Variants in CWH43 observed in about 807,000 individuals in gnomAD.
CWH43 encodes PGAP2-interacting protein.
CWH43 carries 91 observed loss-of-function variants against 85.7 expected under a neutral mutation model. The ratio of observed to expected loss-of-function variants is 1.06; its 90% CI spans 0.90 to 1.26. The LOEUF (loss-of-function observed/expected upper bound fraction) is 1.26, where lower values mean the gene tolerates loss of function less well. Ranked by LOEUF, CWH43 falls within the 50% of genes most tolerant of loss-of-function variation. CWH43 has a pLI of 0.00. For missense variants in CWH43, 869 were observed against 839.2 expected (o/e 1.04, Z -0.44); for synonymous variants, 323 against 293.6 (o/e 1.10, Z -1.02).
chr4:49,032,638 C>A lies in CWH43; in HGVS notation c.1581C>A (p.Ile527=), dbSNP rs369991316. Residue 527 remains isoleucine (I), a synonymous_variant, in exon 12 of 16, where the codon ATC becomes ATA. Transcript: ENST00000226432. ...TTCTTCCGTCACCAGAGGGCGAGAT[C>A]GCACCAGCCATCACATTGACCGTTA... The part of the protein sequence containing the change: ...HHLLPSPEGE[I]APAITLTVNI... The A allele has an allele frequency of 6.2e-7, 1 of 1,614,012 alleles. No homozygotes were observed. The highest frequency in any genetic ancestry group is 1.1e-5 in the South Asian group (1 of 91,078).
chr4:48,994,908 T>A, intron 5 of CWH43, 88 bp downstream of exon 5: 1 of 1,044,486 alleles, frequency 9.6e-7, no homozygotes, highest in Non-Finnish European at 1.5e-6. Flanking sequence ...AGGTCTGTGC[T>A]AGCCAGATAT....
intron 1 of CWH43, among the ~76,000 whole-genome samples, chr4:48,988,165 C>T (rs375043967): frequency 1.3e-4 from 20 of 152,222 alleles, no homozygotes; most frequent in Non-Finnish European, 2.4e-4. Context: ...AATTTCACTT[C>T]TGGGTATATA....
intron 7 of CWH43, among the ~76,000 whole-genome samples, chr4:49,005,268 A>G (rs1234300802): frequency 1.3e-5 from 2 of 152,168 alleles, no homozygotes; most frequent in Non-Finnish European, 2.9e-5. Flanking sequence ...TAGGTTGCAT[A>G]GTGGTTAAGT....
intron 14 of CWH43, among the ~76,000 whole-genome samples, chr4:49,046,708 A>G (rs1257150780): frequency 6.6e-6 from 1 of 151,978 alleles, no homozygotes; most frequent in Non-Finnish European, 1.5e-5. Flanking sequence ...TGAGAGGAGG[A>G]TGCTGGATGT....
Position 49,061,915 on chromosome 4 carries a change from G to A in CWH43, c.*25G>A. Reference sequence around the variant, plus strand: ...AAACATTTAAAACAAGAAGTTATTGGCTGGGAAAATCTAAGAAAAAAAGTA... The same window carrying A: ...AAACATTTAAAACAAGAAGTTATTGACTGGGAAAATCTAAGAAAAAAAGTA... On this transcript the variant is annotated 3_prime_UTR_variant, in exon 16 of 16. Coordinates refer to ENST00000226432, the MANE Select transcript of CWH43 (RefSeq NM_025087.3). 2 of 1,316,316 alleles carry A rather than the reference G, an allele frequency of 1.5e-6. No individual in the cohort carries two copies. The highest frequency in any genetic ancestry group is 1.6e-5 in the South Asian group (1 of 60,666). The allele number at this position is 1,316,316 out of a possible 1,614,324, so 81.5% of individuals were successfully genotyped here.
In CWH43 at chr4:49,005,100, A is replaced by C. The variant is rs192466203; in HGVS notation, c.1060+1108A>C. Among the ~76,000 whole-genome samples, 5 of 152,348 alleles carry C rather than the reference A, an allele frequency of 3.3e-5. No homozygotes were observed. In the East Asian group the frequency reaches 9.6e-4, roughly 29 times the overall value. Reference sequence around the variant, plus strand: ...TACTTGTTTGTTTGTTCACTTATTCATTAAAAATATTAACACGATTTCACT... The same window carrying C: ...TACTTGTTTGTTTGTTCACTTATTCCTTAAAAATATTAACACGATTTCACT... On this transcript the variant is annotated intron_variant, in intron 7 of 15. Coordinates refer to ENST00000226432, the MANE Select transcript of CWH43 (RefSeq NM_025087.3).
intron 9 of CWH43, among the ~76,000 whole-genome samples, chr4:49,027,706 C>T (rs1783958740): frequency 6.6e-6 from 1 of 152,122 alleles, no homozygotes; most frequent in South Asian, 2.1e-4. Flanking sequence ...CAATTACATT[C>T]TTTATTTTAA....
intron 15 of CWH43, among the ~76,000 whole-genome samples, chr4:49,051,800 A>G (rs1386404135): frequency 6.6e-6 from 1 of 152,122 alleles, no homozygotes; most frequent in Admixed American, 6.5e-5. Context: ...TGGTCTCGAA[A>G]GCCTGACCTC....
Position 48,991,513 on chromosome 4 carries a change from G to A in CWH43, c.295G>A (p.Gly99Arg), listed in dbSNP as rs1340705186. 2.5e-6 allele frequency: 4 copies of A among 1,614,038 alleles called. No homozygotes were observed. Among genetic ancestry groups the A allele is most frequent in the Non-Finnish European group, 3.4e-6 (4 of 1,179,970 alleles). The change falls in exon 3 of 16, where the codon GGG becomes AGG. Residue 99 changes from glycine (G) to arginine (R), a missense_variant. Around this residue, in one of 3 missense-constraint regions of CWH43, gnomAD observed 140 missense variants for 122.6 expected, o/e 1.14. Transcript: ENST00000226432. Reference sequence around the variant, plus strand: ...ACTTCGACTGATGGTTCTTGCGCTTGGGGTGTCTTCCTCACTGATAGTGCA... The same window carrying A: ...ACTTCGACTGATGGTTCTTGCGCTTAGGGTGTCTTCCTCACTGATAGTGCA... ...AKLRLMVLALGVSSSLIVQAV... is the reference protein window; with the variant it reads ...AKLRLMVLALRVSSSLIVQAV...
intron 9 of CWH43, among the ~76,000 whole-genome samples, chr4:49,027,926 A>T (rs1379810861): frequency 6.6e-6 from 1 of 152,110 alleles, no homozygotes; most frequent in Non-Finnish European, 1.5e-5. Context: ...GGACCTTGTA[A>T]AGGGGGCTGT....
chr4:49,021,895 C>A (rs1345050487), intron 9 of CWH43, among the ~76,000 whole-genome samples: 1 of 152,074 alleles, frequency 6.6e-6, no homozygotes, highest in Non-Finnish European at 1.5e-5. Flanking sequence ...TTTGTGTACA[C>A]TAATTTTGTA....
At chr4:49,028,800 G>A (rs1784001694) in intron 10 of CWH43, 66 bp downstream of exon 10, 8 of 1,056,910 alleles carry the variant, frequency 7.6e-6, no homozygotes, top group Non-Finnish European at 1.2e-5. Flanking sequence ...TTTTCAGCAG[G>A]GTCATAAGCC....
chr4:48,986,787 T>C, intron 1 of CWH43: 1 of 1,210,796 alleles, frequency 8.3e-7, no homozygotes, highest in Non-Finnish European at 1.0e-6. Flanking sequence ...GCGCGGCCGG[T>C]ACCGTCCCCA....
intron 15 of CWH43, among the ~76,000 whole-genome samples, chr4:49,059,692 C>T (rs945933638): frequency 5.9e-5 from 9 of 152,276 alleles, no homozygotes; most frequent in Middle Eastern, 6.8e-3. Flanking sequence ...GGCCAACTTG[C>T]TTGGTGCCTG....
At chr4:49,044,160 A>C (rs772639830) in intron 13 of CWH43, among the ~76,000 whole-genome samples, 8 of 152,200 alleles carry the variant, frequency 5.3e-5, no homozygotes, top group Non-Finnish European at 1.0e-4. Context: ...ACATGATAGA[A>C]AAGAATATGT....
chr4:49,008,991 G>GT (rs1408731183), intron 8 of CWH43, among the ~76,000 whole-genome samples: 1 of 152,146 alleles, frequency 6.6e-6, no homozygotes, highest in Non-Finnish European at 1.5e-5. Context: ...CTTTAAAGTA[G>GT]TTTTTTCCAA....
chr4:49,008,441 T>C (rs544833852), intron 8 of CWH43, among the ~76,000 whole-genome samples: 1 of 152,198 alleles, frequency 6.6e-6, no homozygotes, highest in Non-Finnish European at 1.5e-5. Flanking sequence ...TTCACTCTGA[T>C]GGTAGTTTCT....
At chr4:49,012,349 G>C in intron 8 of CWH43, among the ~76,000 whole-genome samples, 1 of 152,128 alleles carries the variant, frequency 6.6e-6, no homozygotes, top group Admixed American at 6.5e-5. Context: ...TTCTCTACAC[G>C]TTTATTCTAG....
intron 8 of CWH43, among the ~76,000 whole-genome samples, chr4:49,016,228 T>C (rs1345577900): frequency 2.0e-5 from 3 of 152,236 alleles, no homozygotes; most frequent in Non-Finnish European, 4.4e-5. Context: ...ATAAATTCAA[T>C]AATTTTATAA....
Sources: gnomAD v4.1 joint callset for allele counts (sites outside exome capture counted in the v4.1 genomes callset) on GRCh38, gnomAD v4.1.1 for gene constraint, gnomAD v4.1.1 regional missense constraint, MANE v1.5 for transcripts, NCBI Gene and HGNC (gene_info 2026-07-23, HGNC 2026-07-21) for gene names.